EML5: variants seen among roughly 807,000 people sequenced by gnomAD.
EML5 encodes the protein EMAP like 5.
In EML5, 120 loss-of-function variants were observed where a neutral mutation model predicts 250.0. That is an observed-to-expected ratio of 0.48 (90% CI 0.41 to 0.56). The LOEUF is 0.56. Ranked by LOEUF, EML5 falls within the 20% of genes least tolerant of loss-of-function variation. EML5 has a pLI of 0.00. For missense variants in EML5, 2,006 were observed against 2,437.6 expected (o/e 0.82, Z 3.73); for synonymous variants, 771 against 806.5 (o/e 0.96, Z 0.75).
Position 88,687,208 on chromosome 14 carries a change from CA to C in EML5, c.2854+7del, listed in dbSNP as rs1358493828. The C allele has an allele frequency of 4.4e-6, 7 of 1,597,774 alleles. No homozygotes were observed. Among genetic ancestry groups the C allele is most frequent in the Non-Finnish European group, 4.3e-6 (5 of 1,171,988 alleles). On this transcript the variant is annotated splice_region_variant and intron_variant, in intron 19 of 43. Transcript: ENST00000554922. ...CCTATACAAAAACCCCACTAAGTCT[CA>C]AATCACCTTTAGATCCTGGGGCCAA... is the stretch of plus-strand genomic sequence containing the variant.
chr14:88,756,238 G>A (rs7154735), intron 1 of EML5, among the ~76,000 whole-genome samples: 1 of 151,890 alleles, frequency 6.6e-6, no homozygotes. Flanking sequence ...ATTAACAGAA[G>A]AAAGGTCAAA....
chr14:88,686,204 G>A (rs146775852), intron 19 of EML5, among the ~76,000 whole-genome samples: 77 of 152,220 alleles, frequency 5.1e-4, no homozygotes, highest in African/African-American at 1.8e-3. Context: ...GGGCAGGAAG[G>A]AAGAGGAAGG....
At chr14:88,699,224 C>T (rs1423279009) in intron 14 of EML5, among the ~76,000 whole-genome samples, 2 of 151,572 alleles carry the variant, frequency 1.3e-5, no homozygotes, top group Admixed American at 6.6e-5. Context: ...TTTTCCAAGA[C>T]GAAGGAACTA....
intron 2 of EML5, 25 bp downstream of exon 2, chr14:88,754,487 A>G: frequency 1.3e-6 from 2 of 1,557,620 alleles, no homozygotes; most frequent in Non-Finnish European, 8.6e-7. Flanking sequence ...TACAATTTAG[A>G]AAAAAATGAA....
chr14:88,744,225 A>G, intron 3 of EML5, 134 bp from the exon 4 acceptor site: 1 of 461,920 alleles, frequency 2.2e-6, no homozygotes, highest in Non-Finnish European at 3.7e-6. Context: ...AACATCCCAC[A>G]CTTCAAAATC....
intron 17 of EML5, 148 bp from the exon 18 acceptor site, chr14:88,688,621 C>G (rs546301064): frequency 7.7e-6 from 6 of 776,262 alleles, no homozygotes; most frequent in Non-Finnish European, 1.3e-5. Context: ...GTGTCTCAAT[C>G]AGTGATGTGG....
At chr14:88,685,614 C>A (rs1047068962) in intron 19 of EML5, among the ~76,000 whole-genome samples, 4 of 151,854 alleles carry the variant, frequency 2.6e-5, no homozygotes, top group Non-Finnish European at 4.4e-5. Flanking sequence ...TACATCATTC[C>A]ATATATTTTT....
intron 2 of EML5, among the ~76,000 whole-genome samples, chr14:88,751,059 T>C (rs960420121): frequency 6.6e-6 from 1 of 152,188 alleles, no homozygotes; most frequent in Non-Finnish European, 1.5e-5. Flanking sequence ...ATACATCTAG[T>C]TCTGCAACTA....
intron 7 of EML5, among the ~76,000 whole-genome samples, chr14:88,729,250 G>C (rs376075359): frequency 5.5e-4 from 83 of 152,112 alleles, no homozygotes; most frequent in African/African-American, 2.0e-3. Context: ...TGAACAGAAT[G>C]GTGAAAATAG....
In EML5 at chr14:88,615,681, C is replaced by T. The variant is rs891132816; in HGVS notation, c.*137G>A. On this transcript the variant is annotated 3_prime_UTR_variant, in exon 44 of 44. Transcript: ENST00000554922. ...ATATTTTGAACAGATCAGTCTTTCA[C>T]TATTTTGATGATTCTGGGCATTTCT... 7 of 754,314 alleles carry T rather than the reference C, an allele frequency of 9.3e-6. No homozygotes were observed. The Admixed American group carries it at 1.4e-4, about 16-fold the overall frequency. The allele number at this position is 754,314 out of a possible 1,614,324, so 46.7% of individuals were successfully genotyped here.
At chr14:88,673,565 T>C (rs1293239965) in intron 21 of EML5, among the ~76,000 whole-genome samples, 1 of 152,182 alleles carries the variant, frequency 6.6e-6, no homozygotes, top group Non-Finnish European at 1.5e-5. Context: ...TGTATTCCAA[T>C]AGGAAGAGAG....
rs555237927 is a variant in EML5 at position 88,774,044 on chromosome 14, G to A, written c.197+18263C>T. The stretch of plus-strand genomic sequence containing the variant: ...TGAGGCAAGATAATCGCTCGAACCC[G>A]GAGGCAAAGGTTGCAGAGAGCCGAG... On this transcript the variant is annotated intron_variant, in intron 1 of 43. Transcript: ENST00000554922. Among the ~76,000 whole-genome samples the A allele has an allele frequency of 1.6e-4, 24 of 152,254 alleles. No individual in the cohort carries two copies. In the East Asian group the frequency reaches 3.7e-3, roughly 23 times the overall value.
At chr14:88,680,442 AG>A in intron 21 of EML5, among the ~76,000 whole-genome samples, 1 of 152,226 alleles carries the variant, frequency 6.6e-6, no homozygotes, top group Admixed American at 6.5e-5. Flanking sequence ...TCACAAACAC[AG>A]GGTGGCTTTC....
At chr14:88,716,732 A>AACACACACACAC (rs58701181) in intron 8 of EML5, among the ~76,000 whole-genome samples, 3 of 148,082 alleles carry the variant, frequency 2.0e-5, no homozygotes, top group African/African-American at 7.5e-5. Context: ...ACTGCTCACC[A>AACACACACACAC]ACACACACAC....
At chr14:88,727,928 T>G (rs1483944839) in intron 7 of EML5, among the ~76,000 whole-genome samples, 1 of 152,184 alleles carries the variant, frequency 6.6e-6, no homozygotes, top group African/African-American at 2.4e-5. Context: ...GTTTGAAAAT[T>G]AAGAATTATA....
chr14:88,733,619 G>GT (rs1453858480), intron 7 of EML5, among the ~76,000 whole-genome samples: 3 of 152,168 alleles, frequency 2.0e-5, no homozygotes, highest in Non-Finnish European at 4.4e-5. Flanking sequence ...ACAGAGTGAG[G>GT]TAAGGTGTAG....
intron 33 of EML5, among the ~76,000 whole-genome samples, chr14:88,630,637 G>A (rs2090389338): frequency 6.6e-6 from 1 of 152,242 alleles, no homozygotes; most frequent in South Asian, 2.1e-4. Context: ...ATCAGCACAT[G>A]GTATTCCCCT....
At chr14:88,674,222 T>C (rs1253964345) in intron 21 of EML5, among the ~76,000 whole-genome samples, 1 of 152,186 alleles carries the variant, frequency 6.6e-6, no homozygotes, top group African/African-American at 2.4e-5. Context: ...TGAGCTCAGA[T>C]TGTGCCACTG....
intron 1 of EML5, among the ~76,000 whole-genome samples, chr14:88,761,208 AATT>A (rs1193992748): frequency 3.3e-5 from 5 of 151,680 alleles, no homozygotes; most frequent in African/African-American, 1.2e-4. Flanking sequence ...GTTTTTTTAA[AATT>A]ATTATTATTC....
Sources: gnomAD v4.1 joint callset for allele counts (sites outside exome capture counted in the v4.1 genomes callset) on GRCh38, gnomAD v4.1.1 for gene constraint, MANE v1.5 for transcripts, NCBI Gene and HGNC (gene_info 2026-07-23, HGNC 2026-07-21) for gene names.